Variants in CD36 observed in about 807,000 individuals in gnomAD.
CD36 encodes platelet glycoprotein 4.
A neutral mutation model predicts 55.2 loss-of-function variants in CD36; 119 were observed. The ratio of observed to expected loss-of-function variants is 2.15; its 90% CI spans 1.86 to 2.51. The LOEUF (loss-of-function observed/expected upper bound fraction) is 2.51, where lower values mean the gene tolerates loss of function less well. Among genes scored for constraint, CD36 ranks in the 30% most tolerant of loss-of-function variants. CD36 has a pLI of 0.00. For synonymous variants in CD36, 186 were observed against 193.6 expected, an observed-to-expected ratio of 0.96 and a Z score of 0.33; for missense variants, 819 against 555.5, an observed-to-expected ratio of 1.47 and a Z score of -4.77.
rs761755314 is a variant in CD36 at position 80,673,998 on chromosome 7, GATGAGAAGGCA to G, written c.1272_1282del (p.Asp424GlufsTer126). 1 of 1,611,894 alleles carries G rather than the reference GATGAGAAGGCA, an allele frequency of 6.2e-7. No homozygotes were observed. Among genetic ancestry groups the G allele is most frequent in the South Asian group, 1.1e-5 (1 of 91,016 alleles). On this transcript the variant is annotated frameshift_variant, in exon 14 of 15. Transcript: ENST00000447544. LOFTEE classifies it high-confidence loss of function. Reference sequence around the variant, plus strand: ...TTGATTACAGACTGGGACCATTGGTGATGAGAAGGCAAACATGTTCAGAAGTCAAGTAACTG... The same window carrying G: ...TTGATTACAGACTGGGACCATTGGTGAACATGTTCAGAAGTCAAGTAACTG...
intron 7 of CD36, 71 bp from the exon 8 acceptor site, chr7:80,666,372 A>G (rs1201840279): frequency 1.0e-6 from 1 of 984,914 alleles, no homozygotes; most frequent in African/African-American, 1.6e-5. Flanking sequence ...TTGAATTATA[A>G]TAGAAAAAGT....
At chr7:80,672,487 T>C (rs1797789998) in intron 11 of CD36, among the ~76,000 whole-genome samples, 1 of 151,818 alleles carries the variant, frequency 6.6e-6, no homozygotes, top group Admixed American at 6.6e-5. Flanking sequence ...TTATCTGAGA[T>C]CTTATATTTT....
rs1399769891 is a variant in CD36, at chr7:80,661,079, A to G, written c.298A>G (p.Lys100Glu). The change falls in exon 5 of 15, where the codon AAG (lysine) becomes GAG (glutamate). Residue 100 changes from lysine (K) to glutamate (E), a missense_variant. Lys to Glu is a moderately conservative substitution (Grantham distance 56). Transcript: ENST00000447544. ...TTTCTTTAGAGTTCGTTTTCTAGCC[A>G]AGGAAAATGTAACCCAGGACGCTGA... ...PYTYRVRFLA[K>E]ENVTQDAEDN... The G allele has an allele frequency of 1.9e-6, 3 of 1,613,690 alleles. No individual in the cohort carries two copies. The highest frequency in any genetic ancestry group is 2.5e-6 in the Non-Finnish European group (3 of 1,179,720).
rs1232260065 is a variant in CD36 at position 80,670,179 on chromosome 7, ATT to A, written c.818+170_818+171del. ...CATCTTCCAATTTTTAATAGTACAA[ATT>A]TTTTTTTTTTTTGCCATTTCTATCT... On this transcript the variant is annotated intron_variant, in intron 9 of 14. Transcript: ENST00000447544. 2,364 of 525,358 alleles carry A rather than the reference ATT, an allele frequency of 4.5e-3. 1 individual carries two copies. The highest frequency in any genetic ancestry group is 8.0e-3 in the African/African-American group (402 of 50,422). The allele number at this position is 525,358 out of a possible 1,614,324, so 32.5% of individuals were successfully genotyped here.
Position 80,666,337 on chromosome 7 carries a change from T to G in CD36, c.702-106T>G, listed in dbSNP as rs1797088799. 1.8e-5 allele frequency: 14 copies of G among 775,600 alleles called. No individual in the cohort carries two copies. In the South Asian group the frequency reaches 2.0e-4, roughly 11 times the overall value. 48.0% of individuals were successfully genotyped at this position (775,600 alleles called of 1,614,324 possible). ...TCTTAAACTTAGTACTTGTCACATT[T>G]AAATGCATCATATTAACAGAAGTAT... On this transcript the variant is annotated intron_variant, in intron 7 of 14. Transcript: ENST00000447544.
At chr7:80,618,941 A>G (rs1793311435) in intron 1 of CD36, among the ~76,000 whole-genome samples, 1 of 151,828 alleles carries the variant, frequency 6.6e-6, no homozygotes, top group South Asian at 2.1e-4. Flanking sequence ...ACAGCCTTCC[A>G]TTGGAAAAAG....
chr7:80,623,401 G>T (rs1010829457), intron 1 of CD36, among the ~76,000 whole-genome samples: 3 of 152,120 alleles, frequency 2.0e-5, no homozygotes, highest in Non-Finnish European at 4.4e-5. Context: ...TATTAATTCA[G>T]TATGTGAGTG....
At chr7:80,644,871 C>T (rs1313043650) in intron 1 of CD36, among the ~76,000 whole-genome samples, 5 of 152,126 alleles carry the variant, frequency 3.3e-5, no homozygotes. Flanking sequence ...CGCATTCTGA[C>T]TATAAATGAC....
At chr7:80,630,379 C>T (rs1373683007) in intron 1 of CD36, among the ~76,000 whole-genome samples, 2 of 151,708 alleles carry the variant, frequency 1.3e-5, no homozygotes, top group Non-Finnish European at 2.9e-5. Context: ...GAGACAGTTA[C>T]AAATTTACAT....
chr7:80,608,170 T>G (rs2115730435), intron 1 of CD36, among the ~76,000 whole-genome samples: 1 of 152,330 alleles, frequency 6.6e-6, no homozygotes, highest in East Asian at 1.9e-4. Context: ...CAGCATTCAA[T>G]AATATATATG....
intron 1 of CD36, chr7:80,625,115 AG>A (rs1360647590): frequency 6.6e-6 from 1 of 152,180 alleles, no homozygotes; most frequent in African/African-American, 2.4e-5. Flanking sequence ...TATATGAAGT[AG>A]TGTTTTAAAA....
intron 3 of CD36, among the ~76,000 whole-genome samples, chr7:80,650,970 T>G: frequency 6.7e-6 from 1 of 149,690 alleles, no homozygotes; most frequent in East Asian, 2.0e-4. Flanking sequence ...AGAGCTGCCA[T>G]GAAAGTAGAA....
intron 1 of CD36, among the ~76,000 whole-genome samples, chr7:80,610,950 A>T (rs10428893): frequency 0.12 from 18,247 of 151,918 alleles, 1,539 homozygotes; most frequent in East Asian, 0.34. Context: ...ATCATAGCTC[A>T]CTGTAATCTC....
upstream of CD36, among the ~76,000 whole-genome samples, chr7:80,635,360 C>A (rs138996353): frequency 6.6e-6 from 1 of 152,004 alleles, no homozygotes. Context: ...TGCAAACCTC[C>A]GCCTCCCAGG....
intron 1 of CD36, among the ~76,000 whole-genome samples, chr7:80,616,567 A>G (rs772390288): frequency 5.3e-5 from 8 of 152,152 alleles, no homozygotes; most frequent in Non-Finnish European, 2.9e-5. Flanking sequence ...TTTGACAAAT[A>G]CTATGAAAAT....
At chr7:80,635,482 T>C (rs913836265), upstream of CD36, among the ~76,000 whole-genome samples, 1 of 151,914 alleles carries the variant, frequency 6.6e-6, no homozygotes, top group Admixed American at 6.6e-5. Context: ...ACCATGTTGG[T>C]CAAGCTACTC....
At chr7:80,639,087 T>C (rs948405224) in intron 1 of CD36, among the ~76,000 whole-genome samples, 17 of 152,202 alleles carry the variant, frequency 1.1e-4, no homozygotes, top group Non-Finnish European at 1.5e-4. Flanking sequence ...GTTTAAATGA[T>C]GAAGATCATT....
intron 1 of CD36, among the ~76,000 whole-genome samples, 175 bp downstream of exon 1, chr7:80,638,921 A>C (rs1794618722): frequency 6.6e-6 from 1 of 151,946 alleles, no homozygotes; most frequent in Non-Finnish European, 1.5e-5. Flanking sequence ...TCAGGTTTGC[A>C]TTATTTTCAA....
intron 1 of CD36, among the ~76,000 whole-genome samples, chr7:80,617,785 A>G (rs1793248941): frequency 1.3e-5 from 2 of 151,720 alleles, no homozygotes; most frequent in South Asian, 2.1e-4. Flanking sequence ...CGTACATTGG[A>G]TGCTGAAGTT....
Sources: gnomAD v4.1 joint callset for allele counts (sites outside exome capture counted in the v4.1 genomes callset) on GRCh38, gnomAD v4.1.1 for gene constraint, MANE v1.5 for transcripts, NCBI Gene and HGNC (gene_info 2026-07-23, HGNC 2026-07-21) for gene names.